The following DLG4 variants were observed in gnomAD, a reference collection of about 807,000 sequenced individuals.
DLG4 encodes the protein discs large MAGUK scaffold protein 4.
DLG4 carries 7 observed loss-of-function variants against 93.8 expected under a neutral mutation model. That is an observed-to-expected ratio of 0.07 (90% CI 0.04 to 0.14). The LOEUF is 0.14. DLG4 is among the 10% of genes least tolerant of loss of function. The pLI is 1.00. For missense variants in DLG4, 545 were observed against 992.9 expected (o/e 0.55, Z 6.06); for synonymous variants, 341 against 387.6 (o/e 0.88, Z 1.41).
chr17:7,217,603 C>G lies in DLG4; in HGVS notation c.-456G>C. The G allele has an allele frequency of 3.6e-6, 5 of 1,370,770 alleles. No individual in the cohort carries two copies. Among genetic ancestry groups the G allele is most frequent in the Non-Finnish European group, 3.8e-6 (4 of 1,060,208 alleles). 84.9% of individuals were successfully genotyped at this position (1,370,770 alleles called of 1,614,324 possible). A position where few individuals can be genotyped will look rare whatever the true frequency, so the allele number is the denominator to read the frequency against. ...GCAGCGGCCGAGGGAGCCGTGGAGC[C>G]GAAGAGGGAAGGGGAGAGAGGAGGA... On this transcript the variant is annotated 5_prime_UTR_variant, in exon 1 of 20. Transcript: ENST00000399506.
upstream of DLG4, chr17:7,218,918 A>T: frequency 6.4e-7 from 1 of 1,563,000 alleles, no homozygotes; most frequent in African/African-American, 1.4e-5. Flanking sequence ...TCCCCACTAA[A>T]TTCCAGCTGT....
chr17:7,204,245 G>T lies in DLG4; in HGVS notation c.104C>A (p.Ser35Tyr). The T allele has an allele frequency of 6.3e-7, 1 of 1,591,428 alleles. No homozygotes were observed. Among genetic ancestry groups the T allele is most frequent in the Non-Finnish European group, 8.6e-7 (1 of 1,166,914 alleles). Residue 35 changes from serine to tyrosine, a missense_variant, in exon 3 of 20, where the codon TCT becomes TAT. Coordinates refer to ENST00000399506, the MANE Select transcript of DLG4 (RefSeq NM_001321075.3). ...SPAHLPNQAN[S>Y]PPVIVNTDTL... is the part of the protein sequence containing the mutation. ...ATCTGTGTTGACAATCACTGGGGGA[G>T]AATTGGCCTGTTTGGGAAAACAAGA...
At chr17:7,210,895 T>C (rs2070678705) in intron 1 of DLG4, among the ~76,000 whole-genome samples, 1 of 151,768 alleles carries the variant, frequency 6.6e-6, no homozygotes, top group Non-Finnish European at 1.5e-5. Flanking sequence ...AAGGTAAACT[T>C]TTATCTCAGC....
chr17:7,202,939 G>A lies in DLG4; in HGVS notation c.751C>T (p.Leu251=), dbSNP rs1160376459. 7 of 1,613,954 alleles carry A rather than the reference G, an allele frequency of 4.3e-6. No individual in the cohort carries two copies. The Admixed American group carries it at 1.2e-4, about 27-fold the overall frequency. Residue 251 remains leucine, a synonymous_variant, in exon 8 of 20, where the codon CTG becomes TTG. Transcript: ENST00000399506. ...TCTGGGGGAGCATAGCTGTCACTCA[G>A]GTAGGCATTGCTGGGCTTGGCCACC... The part of the protein sequence containing the change: ...LKVAKPSNAY[L]SDSYAPPDIT...
upstream of DLG4, chr17:7,219,705 C>A: frequency 7.1e-7 from 1 of 1,398,908 alleles, no homozygotes; most frequent in East Asian, 2.7e-5. Flanking sequence ...TCTGTCCCAT[C>A]CTATCCCATC....
At position 7,189,616 on chromosome 17, in the gene DLG4, C is replaced by A. The variant is rs1013431391; in HGVS notation, c.*1092G>T. 6.6e-6 allele frequency among the ~76,000 whole-genome samples: 1 copy of A among 152,208 alleles called. No individual in the cohort carries two copies. The highest frequency in any genetic ancestry group is 2.4e-5 in the African/African-American group (1 of 41,460). On this transcript the variant is annotated 3_prime_UTR_variant, in exon 20 of 20. Transcript: ENST00000399506. ...AGGACTGTTGTGCTTCCCAACAGGA[C>A]TGAGACAGCCCGGCAGGGATCAGAG...
intron 1 of DLG4, among the ~76,000 whole-genome samples, chr17:7,213,345 G>A (rs1426791542): frequency 1.3e-5 from 2 of 151,786 alleles, no homozygotes; most frequent in African/African-American, 4.8e-5. Context: ...CATGATCCGC[G>A]CGCCTCGGGC....
chr17:7,213,813 GA>G, intron 1 of DLG4: 1 of 471,156 alleles, frequency 2.1e-6, no homozygotes, highest in Non-Finnish European at 4.4e-6. Flanking sequence ...AAGCGAGATT[GA>G]CCCCGTTGAT....
Position 7,203,621 on chromosome 17 carries a change from A to C in DLG4, c.336-28T>G. ...GGGAGCAGCAAGGTGGGCCTGAGCC[A>C]AGAGCTTCCTGCTGCCCTGGCCCTC... On this transcript the variant is annotated intron_variant, in intron 5 of 19. Transcript: ENST00000399506. The surrounding 1 kb of genome is among the most constrained non-coding windows in gnomAD (Gnocchi z 7.2). The C allele has an allele frequency of 3.1e-6, 5 of 1,609,082 alleles. No homozygotes were observed. Among genetic ancestry groups the C allele is most frequent in the Non-Finnish European group, 4.3e-6 (5 of 1,175,812 alleles).
Position 7,203,636 on chromosome 17 carries a change from C to T in DLG4, c.336-43G>A. 1.9e-6 allele frequency: 3 copies of T among 1,610,542 alleles called. No homozygotes were observed. The highest frequency in any genetic ancestry group is 2.5e-6 in the Non-Finnish European group (3 of 1,177,178). ...GGCCTGAGCCAAGAGCTTCCTGCTG[C>T]CCTGGCCCTCCCTCTCCAGGGACCA... is the stretch of plus-strand genomic sequence containing the variant. On this transcript the variant is annotated intron_variant, in intron 5 of 19. Transcript: ENST00000399506. This position sits in a 1 kb window ranked among gnomAD's most constrained non-coding sequence, Gnocchi z 7.2.
At chr17:7,219,861 G>A, upstream of DLG4, 2 of 1,538,936 alleles carry the variant, frequency 1.3e-6, no homozygotes, top group Non-Finnish European at 8.7e-7. Flanking sequence ...CCCGGGGCCC[G>A]CAACCGTCCG....
intron 1 of DLG4, among the ~76,000 whole-genome samples, chr17:7,213,091 C>CTTTTTTTTT (rs1567551398): frequency 1.0e-5 from 1 of 99,538 alleles, no homozygotes; most frequent in African/African-American, 4.1e-5. Context: ...TTCTTTCTTT[C>CTTTTTTTTT]TTTCTTTTTT....
chr17:7,218,956 C>A (rs1465631691), upstream of DLG4: 1 of 1,209,516 alleles, frequency 8.3e-7, no homozygotes, highest in African/African-American at 1.5e-5. Flanking sequence ...TCTGAGCCGA[C>A]CAGCTGTCCC....
chr17:7,191,462 A>C lies in DLG4; in HGVS notation c.1977-104T>G. 1 of 909,100 alleles carries C rather than the reference A, an allele frequency of 1.1e-6. No individual in the cohort carries two copies. Among genetic ancestry groups the C allele is most frequent in the Non-Finnish European group, 1.7e-6 (1 of 580,384 alleles). The allele number at this position is 909,100 out of a possible 1,614,324, so 56.3% of individuals were successfully genotyped here. A position where few individuals can be genotyped will look rare whatever the true frequency, so the allele number is the denominator to read the frequency against. ...AAGTATTCTTCTATTTGGAGCACATAGCAAAAAAAAAAATACAATTCCCAA... is the reference window on the plus strand; with the variant it reads ...AAGTATTCTTCTATTTGGAGCACATCGCAAAAAAAAAAATACAATTCCCAA... On this transcript the variant is annotated intron_variant, in intron 18 of 19. Coordinates refer to ENST00000399506, the MANE Select transcript of DLG4 (RefSeq NM_001321075.3). The surrounding 1 kb of genome is among the most constrained non-coding windows in gnomAD (Gnocchi z 6.6).
chr17:7,197,698 T>C (rs2069870290), intron 8 of DLG4, among the ~76,000 whole-genome samples: 1 of 152,118 alleles, frequency 6.6e-6, no homozygotes, highest in Non-Finnish European at 1.5e-5. Flanking sequence ...TTGTCCAGGC[T>C]GGTCTGGAAC....
intron 8 of DLG4, among the ~76,000 whole-genome samples, chr17:7,201,317 A>C (rs921926248): frequency 6.6e-6 from 1 of 152,194 alleles, no homozygotes; most frequent in East Asian, 1.9e-4. Flanking sequence ...CACTGTCTGA[A>C]ATCTCTAAAG....
chr17:7,210,088 TCTGAGAGG>T lies in DLG4; in HGVS notation c.31-1857_31-1850del, dbSNP rs573703812. Among the ~76,000 whole-genome samples the T allele has an allele frequency of 2.1e-4, 32 of 152,274 alleles. No individual in the cohort carries two copies. The South Asian group carries it at 4.1e-3, about 20-fold the overall frequency. ...GAGCAGAATTTCCCTCCCAAAAGTTTCTGAGAGGCTGAGAGTGCCCTAATACTTAGAGG... is the reference window on the plus strand; with the variant it reads ...GAGCAGAATTTCCCTCCCAAAAGTTTCTGAGAGTGCCCTAATACTTAGAGG... On this transcript the variant is annotated intron_variant, in intron 1 of 19. Coordinates refer to ENST00000399506, the MANE Select transcript of DLG4 (RefSeq NM_001321075.3).
At chr17:7,218,944 T>G, upstream of DLG4, 1 of 1,372,956 alleles carries the variant, frequency 7.3e-7, no homozygotes, top group Non-Finnish European at 1.0e-6. Flanking sequence ...AAGTAGGCCG[T>G]CTCTGAGCCG....
rs2069639998 is a variant in DLG4, at chr17:7,194,032, G to A, written c.1479-32C>T. The A allele has an allele frequency of 6.2e-7, 1 of 1,610,748 alleles. No homozygotes were observed. The highest frequency in any genetic ancestry group is 1.1e-5 in the South Asian group (1 of 90,266). ...GATACATGGAGGGATACGCGGGTAG[G>A]GGAATGCCTACCCCCTGCCACCCCC... On this transcript the variant is annotated intron_variant, in intron 12 of 19. Transcript: ENST00000399506. The surrounding 1 kb of genome is among the most constrained non-coding windows in gnomAD (Gnocchi z 4.4).
Sources: allele counts gnomAD v4.1 joint callset (sites outside exome capture counted in the v4.1 genomes callset), GRCh38; gene constraint gnomAD v4.1.1; non-coding constraint Gnocchi (gnomAD v3.1); transcripts MANE v1.5; gene names NCBI Gene and HGNC (gene_info 2026-07-23, HGNC 2026-07-21).